UBQLN1: variants seen among roughly 807,000 people sequenced by gnomAD.
UBQLN1 encodes ubiquilin-1.
Under a neutral mutation model 65.4 loss-of-function variants are expected in UBQLN1, and 13 were observed. The observed-to-expected ratio is 0.20, with a 90% confidence interval of 0.13 to 0.32. The LOEUF is 0.32. Ranked by LOEUF, UBQLN1 falls within the 10% of genes least tolerant of loss-of-function variation. UBQLN1 has a pLI of 1.00. For missense variants in UBQLN1, 561 were observed against 724.0 expected, an observed-to-expected ratio of 0.77 and a Z score of 2.58; for synonymous variants, 267 against 247.8, an observed-to-expected ratio of 1.08 and a Z score of -0.73.
intron 5 of UBQLN1, 146 bp from the exon 6 acceptor site, chr9:83,678,107 C>G: frequency 1.5e-6 from 1 of 666,464 alleles, no homozygotes. Flanking sequence ...CTGCAAGCTC[C>G]GCCTCCTGTG....
At chr9:83,675,288 A>T (rs1334794295) in intron 6 of UBQLN1, among the ~76,000 whole-genome samples, 1 of 152,108 alleles carries the variant, frequency 6.6e-6, no homozygotes, top group African/African-American at 2.4e-5. Flanking sequence ...CAACAACCAA[A>T]CATTGAATTA....
intron 1 of UBQLN1, among the ~76,000 whole-genome samples, chr9:83,703,750 G>A (rs1269765173): frequency 6.6e-6 from 1 of 152,042 alleles, no homozygotes; most frequent in Non-Finnish European, 1.5e-5. Context: ...CTCTAAATTG[G>A]AAAAAAGCTT....
Position 83,660,121 on chromosome 9 carries a change from C to G in UBQLN1, c.*1666G>C, listed in dbSNP as rs1243468461. 6.6e-6 allele frequency: 1 copy of G among 152,314 alleles called. No homozygotes were observed. The highest frequency in any genetic ancestry group is 2.4e-5 in the African/African-American group (1 of 41,454). The allele number at this position is 152,314 out of a possible 1,614,324, so 9.4% of individuals were successfully genotyped here. A position where few individuals can be genotyped will look rare whatever the true frequency, so the allele number is the denominator to read the frequency against. ...GAAAGAGCAAAGACACATGAATACC[C>G]TTCTTAACAATCTCTTCTACTTATG... On this transcript the variant is annotated 3_prime_UTR_variant, in exon 11 of 11. Coordinates refer to ENST00000376395, the MANE Select transcript of UBQLN1 (RefSeq NM_013438.5).
chr9:83,678,028 T>TG (rs1564164421), intron 5 of UBQLN1, 67 bp from the exon 6 acceptor site: 7 of 1,302,182 alleles, frequency 5.4e-6, no homozygotes, highest in Non-Finnish European at 7.2e-6. Context: ...TGAAACTTTT[T>TG]TTTTTTTTTT....
intron 1 of UBQLN1, among the ~76,000 whole-genome samples, chr9:83,705,442 G>T (rs942608952): frequency 2.0e-5 from 3 of 152,122 alleles, no homozygotes; most frequent in Non-Finnish European, 4.4e-5. Flanking sequence ...TAGAGACGGG[G>T]TTTCACCCCG....
intron 6 of UBQLN1, among the ~76,000 whole-genome samples, chr9:83,676,677 T>C (rs1831838549): frequency 6.6e-6 from 1 of 152,224 alleles, no homozygotes; most frequent in Non-Finnish European, 1.5e-5. Context: ...TTCTGATTCT[T>C]CTTTCAGCAA....
intron 10 of UBQLN1, among the ~76,000 whole-genome samples, chr9:83,662,232 G>A (rs1206430122): frequency 3.4e-5 from 5 of 148,420 alleles, no homozygotes; most frequent in Non-Finnish European, 7.4e-5. Flanking sequence ...TCACGTACAT[G>A]CAGAAAAACC....
chr9:83,707,474 C>A, intron 1 of UBQLN1, 26 bp downstream of exon 1: 1 of 1,594,298 alleles, frequency 6.3e-7, no homozygotes, highest in Non-Finnish European at 8.5e-7. Context: ...CACCCCCATC[C>A]CGGCCCGAGC....
intron 6 of UBQLN1, among the ~76,000 whole-genome samples, chr9:83,677,433 G>A (rs1477074958): frequency 1.3e-5 from 2 of 152,096 alleles, no homozygotes; most frequent in African/African-American, 2.4e-5. Context: ...ATGGTGGCAG[G>A]TGCCTGTAAT....
chr9:83,693,186 T>C (rs1321589565), intron 1 of UBQLN1, among the ~76,000 whole-genome samples: 1 of 152,188 alleles, frequency 6.6e-6, no homozygotes, highest in African/African-American at 2.4e-5. Flanking sequence ...GAATAAGCAA[T>C]GTAATGATTT....
At chr9:83,681,453 A>G (rs933332413) in intron 3 of UBQLN1, among the ~76,000 whole-genome samples, 1 of 152,252 alleles carries the variant, frequency 6.6e-6, no homozygotes, top group Non-Finnish European at 1.5e-5. Context: ...GTACTTCAGT[A>G]AAGAATATTC....
chr9:83,679,097 G>A (rs1247029573), intron 4 of UBQLN1, among the ~76,000 whole-genome samples: 1 of 152,114 alleles, frequency 6.6e-6, no homozygotes, highest in African/African-American at 2.4e-5. Flanking sequence ...AGCCACTTGT[G>A]CCAAGTGCCA....
At chr9:83,689,919 A>T (rs564623804) in intron 1 of UBQLN1, among the ~76,000 whole-genome samples, 2 of 152,336 alleles carry the variant, frequency 1.3e-5, no homozygotes, top group East Asian at 3.9e-4. Context: ...CAAACAACAC[A>T]GGTAACTTTA....
At chr9:83,695,201 C>CATT (rs1205953400) in intron 1 of UBQLN1, among the ~76,000 whole-genome samples, 1 of 133,456 alleles carries the variant, frequency 7.5e-6, no homozygotes, top group African/African-American at 2.8e-5. Context: ...GCCCTCCCAC[C>CATT]TTTTTTTTTT....
intron 1 of UBQLN1, among the ~76,000 whole-genome samples, chr9:83,691,160 C>T (rs1832121991): frequency 1.4e-5 from 2 of 145,104 alleles, no homozygotes; most frequent in South Asian, 4.4e-4. Flanking sequence ...AAATAAAAAA[C>T]AAACACAATA....
chr9:83,661,580 G>T lies in UBQLN1; in HGVS notation c.*207C>A. ...TACAATAAATGCAGAAGTGATGCAT[G>T]CAGTAGCCTTAATTCCCACTGTTCC... On this transcript the variant is annotated 3_prime_UTR_variant, in exon 11 of 11. Coordinates refer to ENST00000376395, the MANE Select transcript of UBQLN1 (RefSeq NM_013438.5). 2.1e-6 allele frequency: 1 copy of T among 466,438 alleles called. No individual in the cohort carries two copies. The highest frequency in any genetic ancestry group is 3.7e-6 in the Non-Finnish European group (1 of 270,810). 28.9% of individuals were successfully genotyped at this position (466,438 alleles called of 1,614,324 possible). A position where few individuals can be genotyped will look rare whatever the true frequency, so the allele number is the denominator to read the frequency against.
rs756153558 is a variant in UBQLN1, at chr9:83,707,586, C to A, written c.94G>T (p.Ala32Ser). 2 of 1,605,750 alleles carry A rather than the reference C, an allele frequency of 1.2e-6. No homozygotes were observed. Among genetic ancestry groups the A allele is most frequent in the Non-Finnish European group, 1.7e-6 (2 of 1,176,774 alleles). ...GTGACTTTCATGATTTTGGGCTCCG[C>A]GGAGGCAGCGGCCGCGGGGGCGCCA... ...GAGAPAAAAS[A>S]EPKIMKVTVK... is the part of the protein sequence containing the mutation. The change falls in exon 1 of 11, where the codon GCG (alanine) becomes TCG (serine). Residue 32 changes from alanine (A) to serine (S), a missense_variant. This residue lies in a region of UBQLN1 where 101 missense variants were observed against 104.9 expected (regional missense o/e 0.96). Coordinates refer to ENST00000376395, the MANE Select transcript of UBQLN1 (RefSeq NM_013438.5).
intron 7 of UBQLN1, chr9:83,668,884 T>G (rs931997286): frequency 7.5e-6 from 2 of 266,290 alleles, no homozygotes; most frequent in Admixed American, 5.6e-5. Flanking sequence ...TAGTTTATCT[T>G]CAAAAGAGTG....
At chr9:83,706,496 C>T (rs1793968488) in intron 1 of UBQLN1, among the ~76,000 whole-genome samples, 1 of 152,184 alleles carries the variant, frequency 6.6e-6, no homozygotes, top group African/African-American at 2.4e-5. Context: ...TAAACCAATA[C>T]CCCAATCACC....
Sources: allele counts gnomAD v4.1 joint callset (sites outside exome capture counted in the v4.1 genomes callset), GRCh38; gene constraint gnomAD v4.1.1; regional missense constraint gnomAD v4.1.1; transcripts MANE v1.5; gene names NCBI Gene and HGNC (gene_info 2026-07-23, HGNC 2026-07-21).